The following ZBTB40 variants were observed in gnomAD, a reference collection of about 807,000 sequenced individuals.
The protein encoded by ZBTB40 is zinc finger and BTB domain-containing protein 40.
A neutral mutation model predicts 117.5 loss-of-function variants in ZBTB40; 60 were observed. The observed-to-expected ratio is 0.51, with a 90% CI of 0.41 to 0.63. The LOEUF (loss-of-function observed/expected upper bound fraction) is 0.63, where lower values mean the gene tolerates loss of function less well. ZBTB40 is among the 30% of genes least tolerant of loss of function. The pLI, the probability that ZBTB40 is intolerant of heterozygous loss-of-function variation, is 0.00. For missense variants in ZBTB40, 1,287 were observed against 1,498.5 expected, an observed-to-expected ratio of 0.86 and a Z score of 2.33; for synonymous variants, 525 against 577.1, an observed-to-expected ratio of 0.91 and a Z score of 1.29.
rs568132878 is a variant in ZBTB40, at chr1:22,512,885, A to G, written c.2462-39A>G. The G allele has an allele frequency of 1.7e-5, 27 of 1,606,118 alleles. No individual in the cohort carries two copies. In the East Asian group the frequency reaches 4.9e-4, roughly 29 times the overall value. ...TGCTAGATTCCTAACACTGATTAGT[A>G]GCATCTCTTCTGGCCTCTGGTGTGC... is the stretch of plus-strand genomic sequence containing the variant. On this transcript the variant is annotated intron_variant, in intron 11 of 17. Coordinates refer to ENST00000375647, the MANE Select transcript of ZBTB40 (RefSeq NM_014870.4).
intron 3 of ZBTB40, among the ~76,000 whole-genome samples, chr1:22,493,651 AC>A (rs1638694631): frequency 6.6e-6 from 1 of 152,050 alleles, no homozygotes; most frequent in Non-Finnish European, 1.5e-5. Context: ...CCTTCCACTT[AC>A]CCATGCCCTG....
At position 22,512,056 on chromosome 1, in the gene ZBTB40, C is replaced by G. The variant is rs767200630; in HGVS notation, c.2383C>G (p.Pro795Ala). 6.2e-7 allele frequency: 1 copy of G among 1,613,888 alleles called. No homozygotes were observed. The highest frequency in any genetic ancestry group is 1.3e-5 in the African/African-American group (1 of 74,896). ...QLEAHGAGGE[P>A]DAPKKKKKRL... ...GGAGGCCCATGGTGCAGGTGGAGAG[C>G]CCGATGCCCCCAAGAAGAAGAAGAA... The change falls in exon 11 of 18, where the codon CCC becomes GCC. Residue 795 changes from proline to alanine, a missense_variant. Pro to Ala is a conservative substitution (Grantham distance 27, BLOSUM62 -1). Coordinates refer to ENST00000375647, the MANE Select transcript of ZBTB40 (RefSeq NM_014870.4).
upstream of ZBTB40, among the ~76,000 whole-genome samples, chr1:22,450,601 CAG>C (rs1460465236): frequency 6.6e-6 from 1 of 152,058 alleles, no homozygotes; most frequent in Non-Finnish European, 1.5e-5. Flanking sequence ...GTGAAAACAA[CAG>C]AAAGGGCAAC....
Position 22,508,131 on chromosome 1 carries a change from AAG to A in ZBTB40, c.1496_1497del (p.Glu499GlyfsTer9). The A allele has an allele frequency of 1.2e-6, 2 of 1,613,792 alleles. No homozygotes were observed. Among genetic ancestry groups the A allele is most frequent in the South Asian group, 2.2e-5 (2 of 91,078 alleles). Reference sequence around the variant, plus strand: ...ACATGACAAGTTTAGCCCCTGGAGAAAGAGAGGTAAGAGAGGGAGAGAAACAG... The same window carrying A: ...ACATGACAAGTTTAGCCCCTGGAGAAAGAGGTAAGAGAGGGAGAGAAACAG... ...SHMTSLAPGE[R>X]EVMEKLVKRD... is the part of the protein sequence containing the mutation. On this transcript the variant is annotated frameshift_variant, in exon 7 of 18. Coordinates refer to ENST00000375647, the MANE Select transcript of ZBTB40 (RefSeq NM_014870.4). LOFTEE classifies it high-confidence loss of function.
intron 3 of ZBTB40, 113 bp downstream of exon 3, chr1:22,491,646 ATTT>A (rs75197070): frequency 9.1e-5 from 89 of 974,340 alleles, no homozygotes; most frequent in East Asian, 1.1e-4. Context: ...TGAAACTTTA[ATTT>A]TTTTTTTTTT....
intron 4 of ZBTB40, among the ~76,000 whole-genome samples, chr1:22,501,933 A>G (rs532148238): frequency 1.3e-5 from 2 of 152,314 alleles, no homozygotes; most frequent in South Asian, 4.1e-4. Context: ...CCTGCCCGTC[A>G]AAAAGCCACA....
rs367562325 is a variant in ZBTB40 at position 22,512,167 on chromosome 1, A to G, written c.2461+33A>G. ...CAAGAAGGCAAAGGAACAGAGGATG[A>G]TAATTGTGGGTTTTATAGCTTGGAT... On this transcript the variant is annotated intron_variant, in intron 11 of 17. Coordinates refer to ENST00000375647, the MANE Select transcript of ZBTB40 (RefSeq NM_014870.4). 5.6e-6 allele frequency: 9 copies of G among 1,610,530 alleles called. No homozygotes were observed. The African/African-American group carries it at 1.2e-4, about 21-fold the overall frequency.
At chr1:22,488,600 T>C (rs182659248) in intron 1 of ZBTB40, among the ~76,000 whole-genome samples, 1 of 151,894 alleles carries the variant, frequency 6.6e-6, no homozygotes, top group East Asian at 1.9e-4. Flanking sequence ...GCAGAATGGG[T>C]GAGGGGGAGA....
chr1:22,448,276 G>A (rs1640811670), upstream of ZBTB40, among the ~76,000 whole-genome samples: 1 of 152,174 alleles, frequency 6.6e-6, no homozygotes, highest in Non-Finnish European at 1.5e-5. Context: ...TTAATTCATG[G>A]AAAGTGCTTA....
chr1:22,469,406 G>A (rs1454253928), intron 1 of ZBTB40, among the ~76,000 whole-genome samples: 1 of 152,038 alleles, frequency 6.6e-6, no homozygotes, highest in African/African-American at 2.4e-5. Flanking sequence ...TACAGCCTTG[G>A]CCTCCTGGCC....
At position 22,510,272 on chromosome 1, in the gene ZBTB40, G is replaced by A. The variant is rs113079811; in HGVS notation, c.1834-907G>A. The stretch of plus-strand genomic sequence containing the variant: ...GAAGGGCGGGTTTCTAACTCTCTCT[G>A]TGCAGGTGACAGCCACATGTTGGTC... On this transcript the variant is annotated intron_variant, in intron 9 of 17. Coordinates refer to ENST00000375647, the MANE Select transcript of ZBTB40 (RefSeq NM_014870.4). 4.5e-3 allele frequency among the ~76,000 whole-genome samples: 690 copies of A among 152,318 alleles called. 7 individuals carry two copies. Among genetic ancestry groups the A allele is most frequent in the African/African-American group, 0.016 (649 of 41,560 alleles).
In ZBTB40 at chr1:22,508,150, G is replaced by A. The variant is rs761236125; in HGVS notation, c.1497+13G>A. ...TGGAGAAAGAGAGGTAAGAGAGGGA[G>A]AGAAACAGAGGGAGGGGAGGGTAAA... On this transcript the variant is annotated intron_variant, in intron 7 of 17. Transcript: ENST00000375647. The A allele has an allele frequency of 6.2e-7, 1 of 1,613,102 alleles. No individual in the cohort carries two copies. Among genetic ancestry groups the A allele is most frequent in the Non-Finnish European group, 8.5e-7 (1 of 1,179,846 alleles).
intron 1 of ZBTB40, among the ~76,000 whole-genome samples, chr1:22,485,782 G>A (rs540630896): frequency 4.6e-5 from 7 of 151,868 alleles, no homozygotes; most frequent in South Asian, 2.1e-4. Flanking sequence ...GGATTGTTAC[G>A]TCTTCAAGCT....
At chr1:22,448,887 A>C (rs1353376109), upstream of ZBTB40, among the ~76,000 whole-genome samples, 1 of 151,692 alleles carries the variant, frequency 6.6e-6, no homozygotes, top group Non-Finnish European at 1.5e-5. Flanking sequence ...ATTTCGGCTC[A>C]CTGCAACCTC....
Position 22,530,822 on chromosome 1 carries a change from C to G in ZBTB40, c.*4426C>G, listed in dbSNP as rs577515941. On this transcript the variant is annotated 3_prime_UTR_variant, in exon 18 of 18. Coordinates refer to ENST00000375647, the MANE Select transcript of ZBTB40 (RefSeq NM_014870.4). ...AGGGGCCATTTGTGTACCTTGAGGCCGTGTTAACATGGCCTGGGGGAAAGA... is the reference window on the plus strand; with the variant it reads ...AGGGGCCATTTGTGTACCTTGAGGCGGTGTTAACATGGCCTGGGGGAAAGA... 6.6e-6 allele frequency: 1 copy of G among 152,142 alleles called. No individual in the cohort carries two copies. Among genetic ancestry groups the G allele is most frequent in the African/African-American group, 2.4e-5 (1 of 41,398 alleles). The allele number at this position is 152,142 out of a possible 1,614,324, so 9.4% of individuals were successfully genotyped here. A position where few individuals can be genotyped will look rare whatever the true frequency, so the allele number is the denominator to read the frequency against.
At chr1:22,458,575 G>A (rs1286873440) in intron 1 of ZBTB40, among the ~76,000 whole-genome samples, 3 of 152,168 alleles carry the variant, frequency 2.0e-5, no homozygotes, top group Non-Finnish European at 2.9e-5. Context: ...TGGGTTTTCT[G>A]TTATTCCTTT....
Position 22,517,322 on chromosome 1 carries a change from C to T in ZBTB40, c.2691C>T (p.Tyr897=), listed in dbSNP as rs779240186. Residue 897 remains tyrosine, a synonymous_variant, in exon 13 of 18, where the codon TAC becomes TAT. Transcript: ENST00000375647. ...CAGGGAAAATGTATGCATGCCAGTA[C>T]TGTGATGCTGTGTTTGCCCAGTCTA... The part of the protein sequence containing the change: ...HSEGKMYACQ[Y]CDAVFAQSIE... 9.9e-6 allele frequency: 16 copies of T among 1,614,080 alleles called. No individual in the cohort carries two copies. Among genetic ancestry groups the T allele is most frequent in the Non-Finnish European group, 1.2e-5 (14 of 1,180,050 alleles).
At chr1:22,453,489 A>G (rs1414141912) in intron 1 of ZBTB40, among the ~76,000 whole-genome samples, 2 of 152,224 alleles carry the variant, frequency 1.3e-5, no homozygotes, top group Non-Finnish European at 2.9e-5. Flanking sequence ...GACAAGTGGT[A>G]TACAGGTAGA....
At position 22,490,002 on chromosome 1, in the gene ZBTB40, C is replaced by G; in HGVS notation, c.54C>G (p.Cys18Trp). Reference protein sequence around the residue: ...RQLLQQLYTLCKEQQFCDCTI... With the variant: ...RQLLQQLYTLWKEQQFCDCTI... ...TGCTGCAGCAGCTGTACACTCTGTGCAAGGAGCAGCAGTTCTGTGATTGCA... is the reference window on the plus strand; with the variant it reads ...TGCTGCAGCAGCTGTACACTCTGTGGAAGGAGCAGCAGTTCTGTGATTGCA... The change falls in exon 2 of 18, where the codon TGC (cysteine) becomes TGG (tryptophan). Residue 18 changes from cysteine to tryptophan, a missense_variant. This residue lies in a region of ZBTB40 where 870 missense variants were observed against 934.4 expected (regional missense o/e 0.93). Transcript: ENST00000375647. 1.2e-6 allele frequency: 2 copies of G among 1,613,826 alleles called. No individual in the cohort carries two copies. Among genetic ancestry groups the G allele is most frequent in the Non-Finnish European group, 1.7e-6 (2 of 1,180,020 alleles).
Sources: gnomAD v4.1 joint callset for allele counts (sites outside exome capture counted in the v4.1 genomes callset) on GRCh38, gnomAD v4.1.1 for gene constraint, gnomAD v4.1.1 regional missense constraint, MANE v1.5 for transcripts, NCBI Gene and HGNC (gene_info 2026-07-23, HGNC 2026-07-21) for gene names.